Variants in CELF2 observed in about 807,000 individuals in gnomAD.
CELF2 encodes the protein CUG triplet repeat RNA-binding protein 2.
In CELF2, 8 loss-of-function variants were observed where a neutral mutation model predicts 62.6. The observed-to-expected ratio is 0.13, with a 90% confidence interval of 0.07 to 0.23. The LOEUF (loss-of-function observed/expected upper bound fraction) is 0.23, where lower values mean the gene tolerates loss of function less well. CELF2 is among the 10% of genes least tolerant of loss of function. The probability of loss-of-function intolerance (pLI) is 1.00; values close to 1 mark genes in which losing one functional copy is unlikely to be tolerated. For missense variants in CELF2, 333 were observed against 671.0 expected (o/e 0.50, Z 5.56); for synonymous variants, 258 against 250.0 (o/e 1.03, Z -0.30).
chr10:10,729,972 G>A, the CELF2 span, among the ~76,000 whole-genome samples: 1 of 152,120 alleles, frequency 6.6e-6, no homozygotes, highest in African/African-American at 2.4e-5. Context: ...AGGAATAACT[G>A]GTGAAGTAGT....
At position 11,156,912 on chromosome 10, in the gene CELF2, C is replaced by T. The variant is rs61832283; in HGVS notation, c.75-8574C>T. ...AAAGCTGATTGGAGGAAAAGAAGAC[C>T]GGAAGAGATGAACTTTAGGTGTGCT... is the stretch of plus-strand genomic sequence containing the variant. On this transcript the variant is annotated intron_variant, in intron 1 of 12. Transcript: ENST00000633077. The surrounding 1 kb of genome is among the most constrained non-coding windows in gnomAD (Gnocchi z 4.3). Among the ~76,000 whole-genome samples, 21,108 of 152,052 alleles carry T rather than the reference C, an allele frequency of 0.14. 1,773 individuals are homozygous for T. The highest frequency in any genetic ancestry group is 0.22 in the African/African-American group (9,002 of 41,400).
At chr10:10,882,895 T>C (rs183310221) in intron 1 of CELF2, among the ~76,000 whole-genome samples, 3 of 152,328 alleles carry the variant, frequency 2.0e-5, no homozygotes, top group East Asian at 3.9e-4. Flanking sequence ...TCTTCTGTTA[T>C]AATAATATGA....
rs946422847 is a variant in CELF2 at position 11,269,297 on chromosome 10, G to A, written c.619-1369G>A. ...CTCTGTCTACCAGAGCTGAAGACCA[G>A]TAGGCTGGAAGTTTAACACTGAAAT... On this transcript the variant is annotated intron_variant, in intron 6 of 12. Coordinates refer to ENST00000633077, the MANE Select transcript of CELF2 (RefSeq NM_001326342.2). This position sits in a 1 kb window ranked among gnomAD's most constrained non-coding sequence, Gnocchi z 4.4. Among the ~76,000 whole-genome samples, 8 of 152,178 alleles carry A rather than the reference G, an allele frequency of 5.3e-5. No homozygotes were observed. The highest frequency in any genetic ancestry group is 1.9e-4 in the African/African-American group (8 of 41,440).
chr10:10,702,506 C>G, the CELF2 span, among the ~76,000 whole-genome samples: 1 of 152,200 alleles, frequency 6.6e-6, no homozygotes, highest in Non-Finnish European at 1.5e-5. Context: ...ATTCCTCCCA[C>G]AAATAAACAA....
chr10:11,299,536 C>G (rs1318775340), intron 9 of CELF2, among the ~76,000 whole-genome samples: 1 of 152,196 alleles, frequency 6.6e-6, no homozygotes, highest in Non-Finnish European at 1.5e-5. Context: ...CTGAGAAGCC[C>G]CTGTCCTTGC....
chr10:10,595,310 AGTCAC>A, the CELF2 span, among the ~76,000 whole-genome samples: 1 of 139,996 alleles, frequency 7.1e-6, no homozygotes, highest in African/African-American at 2.5e-5. Context: ...GGAGTACCAC[AGTCAC>A]GGGTAATAGA....
chr10:10,497,690 C>G, the CELF2 span, among the ~76,000 whole-genome samples: 3 of 152,080 alleles, frequency 2.0e-5, no homozygotes, highest in African/African-American at 7.2e-5. Context: ...GGCCATGGAG[C>G]AGGGGTCTGC....
intron 1 of CELF2, among the ~76,000 whole-genome samples, chr10:11,101,440 CTG>C (rs1425971453): frequency 6.6e-6 from 1 of 152,110 alleles, no homozygotes; most frequent in African/African-American, 2.4e-5. Context: ...GAAGATGAGA[CTG>C]TGAAGAAGTT....
the CELF2 span, among the ~76,000 whole-genome samples, chr10:10,749,685 G>A: frequency 1.3e-5 from 2 of 152,176 alleles, no homozygotes; most frequent in Non-Finnish European, 2.9e-5. Flanking sequence ...TTTGTAGTAT[G>A]ATCCCAGCTT....
intron 1 of CELF2, among the ~76,000 whole-genome samples, chr10:11,151,419 G>A (rs887448945): frequency 3.3e-5 from 5 of 152,180 alleles, no homozygotes; most frequent in African/African-American, 1.2e-4. Flanking sequence ...GGATTTTGCT[G>A]TTGCCGACAG....
At position 11,280,080 on chromosome 10, in the gene CELF2, G is replaced by A. The variant is rs116443562; in HGVS notation, c.841+4960G>A. Reference sequence around the variant, plus strand: ...GGTCTGGTGCCCTTTCAGGATGAGCGTGTGGGATAAAGTGTGACTTGGGGT... The same window carrying A: ...GGTCTGGTGCCCTTTCAGGATGAGCATGTGGGATAAAGTGTGACTTGGGGT... On this transcript the variant is annotated intron_variant, in intron 8 of 12. Transcript: ENST00000633077. This position sits in a 1 kb window ranked among gnomAD's most constrained non-coding sequence, Gnocchi z 7.6. Among the ~76,000 whole-genome samples the A allele has an allele frequency of 8.6e-3, 1,310 of 152,266 alleles. 16 individuals carry two copies. The highest frequency in any genetic ancestry group is 0.028 in the African/African-American group (1,155 of 41,530).
the CELF2 span, among the ~76,000 whole-genome samples, chr10:10,714,622 T>C: frequency 4.6e-5 from 7 of 152,164 alleles, no homozygotes; most frequent in Admixed American, 1.3e-4. Context: ...CTACGACATG[T>C]TGACAGAATT....
the CELF2 span, among the ~76,000 whole-genome samples, chr10:10,587,451 A>C: frequency 6.6e-6 from 1 of 152,006 alleles, no homozygotes; most frequent in Non-Finnish European, 1.5e-5. Context: ...CAGAAGAGGC[A>C]AGTCCTTGCT....
intron 4 of CELF2, among the ~76,000 whole-genome samples, chr10:11,257,040 C>T (rs1329317076): frequency 2.6e-5 from 4 of 152,222 alleles, no homozygotes; most frequent in African/African-American, 9.6e-5. Context: ...AATCGGCTTC[C>T]TGTTGAGCGG....
rs2096114508 is a variant in CELF2 at position 11,336,123 on chromosome 10, C to G, written c.*7070C>G. The G allele has an allele frequency of 6.5e-6, 1 of 152,708 alleles. No homozygotes were observed. Among genetic ancestry groups the G allele is most frequent in the Non-Finnish European group, 1.5e-5 (1 of 68,056 alleles). The allele number at this position is 152,708 out of a possible 1,614,324, so 9.5% of individuals were successfully genotyped here. On this transcript the variant is annotated 3_prime_UTR_variant, in exon 13 of 13. Coordinates refer to ENST00000633077, the MANE Select transcript of CELF2 (RefSeq NM_001326342.2). This position sits in a 1 kb window ranked among gnomAD's most constrained non-coding sequence, Gnocchi z 5.4. ...CACACGCTGCCCAGCCCACAGCAGT[C>G]GCACGCAGCCGATGGGCTCGGACTC...
At chr10:11,228,718 C>CAAAAAAAAAAAAAA (rs56167230) in intron 3 of CELF2, among the ~76,000 whole-genome samples, 1 of 135,166 alleles carries the variant, frequency 7.4e-6, no homozygotes, top group African/African-American at 2.9e-5. Flanking sequence ...GCGCCCCTCG[C>CAAAAAAAAAAAAAA]AAAAAAAAAA....
rs535320314 is a variant in CELF2 at position 11,096,979 on chromosome 10, T to C, written c.75-68507T>C. On this transcript the variant is annotated intron_variant, in intron 1 of 12. Transcript: ENST00000633077. ...TTCTATATTACTAGTTCCTTATGTC[T>C]TTAAATGTATGCCAGTCTAATGGGA... is the stretch of plus-strand genomic sequence containing the variant. Among the ~76,000 whole-genome samples the C allele has an allele frequency of 2.2e-4, 34 of 152,332 alleles. 1 individual carries two copies. The South Asian group carries it at 6.6e-3, about 30-fold the overall frequency.
intron 3 of CELF2, among the ~76,000 whole-genome samples, chr10:11,230,090 T>C (rs554548362): frequency 6.6e-6 from 1 of 152,288 alleles, no homozygotes; most frequent in South Asian, 2.1e-4. Context: ...GTCTTGGTAC[T>C]CAAGCAGCAG....
At chr10:11,139,344 C>T (rs964876209) in intron 1 of CELF2, among the ~76,000 whole-genome samples, 4 of 152,122 alleles carry the variant, frequency 2.6e-5, no homozygotes, top group East Asian at 1.9e-4. Context: ...TTTCAAGAAA[C>T]ATTGTCTTTG....
Sources: gnomAD v4.1 joint callset for allele counts (sites outside exome capture counted in the v4.1 genomes callset) on GRCh38, gnomAD v4.1.1 for gene constraint, Gnocchi (gnomAD v3.1) non-coding constraint, MANE v1.5 for transcripts, NCBI Gene and HGNC (gene_info 2026-07-23, HGNC 2026-07-21) for gene names.